KLC1: variants seen among roughly 807,000 people sequenced by gnomAD.
KLC1 encodes the protein kinesin 2 60/70kDa.
KLC1 carries 30 observed loss-of-function variants against 84.2 expected under a neutral mutation model. The observed-to-expected ratio is 0.36, with a 90% CI of 0.27 to 0.48. KLC1 has a LOEUF of 0.48. KLC1 is among the 20% of genes least tolerant of loss of function. The pLI, the probability that KLC1 is intolerant of heterozygous loss-of-function variation, is 0.99. For synonymous variants in KLC1, 289 were observed against 293.3 expected (o/e 0.99, Z 0.15); for missense variants, 499 against 805.4 (o/e 0.62, Z 4.60).
chr14:103,690,069 A>T (rs555964943), intron 14 of KLC1, among the ~76,000 whole-genome samples: 1 of 152,038 alleles, frequency 6.6e-6, no homozygotes, highest in South Asian at 2.1e-4. Flanking sequence ...GGTCCCAGCT[A>T]CTCAGGAGGC....
At chr14:103,629,989 C>G (rs1159857746) in intron 1 of KLC1, among the ~76,000 whole-genome samples, 2 of 152,178 alleles carry the variant, frequency 1.3e-5, no homozygotes, top group Non-Finnish European at 2.9e-5. Context: ...CTTCCTTCCA[C>G]CCCCGCCTCT....
chr14:103,685,903 A>G, intron 13 of KLC1: 6 of 1,125,448 alleles, frequency 5.3e-6, no homozygotes, highest in Non-Finnish European at 6.6e-6. Flanking sequence ...GTAATACACG[A>G]GTTTAAAAAT....
chr14:103,652,868 C>T (rs1236674353), intron 1 of KLC1, among the ~76,000 whole-genome samples: 2 of 152,172 alleles, frequency 1.3e-5, no homozygotes, highest in African/African-American at 4.8e-5. Context: ...TTACAGACAA[C>T]TTCCAAATTT....
chr14:103,688,548 T>C (rs557066962), intron 14 of KLC1, among the ~76,000 whole-genome samples: 62 of 152,226 alleles, frequency 4.1e-4, no homozygotes, highest in Non-Finnish European at 7.2e-4. Context: ...ACTGTTGCCA[T>C]ACACGGCCAG....
rs2076866080 is a variant in KLC1, at chr14:103,633,865, T to TA, written c.-2+4371_-2+4372insA. ...ATCTTAAATGCTGTATTATTATTAT[T>TA]TTTTTTTTATTATTACTTTTTGAGA... On this transcript the variant is annotated intron_variant, in intron 1 of 16. Coordinates refer to ENST00000334553, the MANE Select transcript of KLC1 (RefSeq NM_001394837.1). Among the ~76,000 whole-genome samples the TA allele has an allele frequency of 2.6e-5, 4 of 151,566 alleles. No individual in the cohort carries two copies. In the South Asian group the frequency reaches 6.3e-4, roughly 24 times the overall value.
chr14:103,693,288 G>A lies in KLC1; in HGVS notation c.1848+863G>A, dbSNP rs961927374. On this transcript the variant is annotated intron_variant, in intron 15 of 16. Coordinates refer to ENST00000334553, the MANE Select transcript of KLC1 (RefSeq NM_001394837.1). This position sits in a 1 kb window ranked among gnomAD's most constrained non-coding sequence, Gnocchi z 5.1. ...CCCCTTCTCGGTGGCTGTTAAAGAGGCTTGTAGGGTGCTGGACATGTTGCT... is the reference window on the plus strand; with the variant it reads ...CCCCTTCTCGGTGGCTGTTAAAGAGACTTGTAGGGTGCTGGACATGTTGCT... 3.3e-5 allele frequency among the ~76,000 whole-genome samples: 5 copies of A among 151,248 alleles called. No individual in the cohort carries two copies. Among genetic ancestry groups the A allele is most frequent in the Non-Finnish European group, 7.4e-5 (5 of 67,732 alleles).
chr14:103,689,597 CT>C (rs1046764670), intron 14 of KLC1, among the ~76,000 whole-genome samples: 3 of 152,212 alleles, frequency 2.0e-5, no homozygotes, highest in Non-Finnish European at 4.4e-5. Flanking sequence ...GGCCCCACCC[CT>C]GAGTTTCCAA....
At chr14:103,675,782 G>A in intron 11 of KLC1, 26 bp downstream of exon 11, 1 of 1,601,112 alleles carries the variant, frequency 6.2e-7, no homozygotes, top group Admixed American at 1.7e-5. Context: ...CGTTTGGCTG[G>A]AAAAACCAAA....
rs1595590380 is a variant in KLC1, at chr14:103,695,422, A to G, written c.1848+2997A>G. 1.6e-5 allele frequency: 16 copies of G among 984,464 alleles called. No homozygotes were observed. In the South Asian group the frequency reaches 4.7e-4, roughly 29 times the overall value. 61.0% of individuals were successfully genotyped at this position (984,464 alleles called of 1,614,324 possible). A position where few individuals can be genotyped will look rare whatever the true frequency, so the allele number is the denominator to read the frequency against. Reference sequence around the variant, plus strand: ...TGAGAAGCCAACCCCCCCCAAAAAAAGGGGGGTGTAGAGCAGCTTCCCCTG... The same window carrying G: ...TGAGAAGCCAACCCCCCCCAAAAAAGGGGGGGTGTAGAGCAGCTTCCCCTG... On this transcript the variant is annotated intron_variant, in intron 15 of 16. Coordinates refer to ENST00000334553, the MANE Select transcript of KLC1 (RefSeq NM_001394837.1).
chr14:103,697,011 C>T, intron 15 of KLC1: 1 of 985,468 alleles, frequency 1.0e-6, no homozygotes. Flanking sequence ...GCCGGCCGAG[C>T]TTCCAGGCGT....
chr14:103,646,986 C>G (rs746256444), intron 1 of KLC1, among the ~76,000 whole-genome samples: 5 of 152,060 alleles, frequency 3.3e-5, no homozygotes, highest in African/African-American at 7.2e-5. Flanking sequence ...TATACAAATT[C>G]ATATTTATGT....
chr14:103,665,564 AGCT>A (rs1207191688), intron 5 of KLC1, among the ~76,000 whole-genome samples: 1 of 151,924 alleles, frequency 6.6e-6, no homozygotes, highest in African/African-American at 2.4e-5. Context: ...CCTCCCAAGT[AGCT>A]GGGATTACAG....
intron 3 of KLC1, among the ~76,000 whole-genome samples, chr14:103,658,262 C>A (rs933575696): frequency 2.6e-4 from 39 of 151,820 alleles, no homozygotes; most frequent in Admixed American, 3.3e-4. Flanking sequence ...TCTTGGTTTT[C>A]TTCTTCTTCT....
chr14:103,694,885 G>A lies in KLC1; in HGVS notation c.1848+2460G>A, dbSNP rs537739287. 2.1e-5 allele frequency: 21 copies of A among 985,348 alleles called. No individual in the cohort carries two copies. Among genetic ancestry groups the A allele is most frequent in the African/African-American group, 1.7e-4 (10 of 57,248 alleles). 61.0% of individuals were successfully genotyped at this position (985,348 alleles called of 1,614,324 possible). On this transcript the variant is annotated intron_variant, in intron 15 of 16. Transcript: ENST00000334553. This position sits in a 1 kb window ranked among gnomAD's most constrained non-coding sequence, Gnocchi z 4.5. ...TCAAAGTTTCATCCCGCCTCATGTC[G>A]CAGGACTGCTGTGTTTGTGAAAGCG...
At chr14:103,688,830 A>G (rs943459672) in intron 14 of KLC1, among the ~76,000 whole-genome samples, 17 of 152,220 alleles carry the variant, frequency 1.1e-4, no homozygotes, top group African/African-American at 2.9e-4. Flanking sequence ...TGAAGACTGG[A>G]CTTCTGGAAG....
At chr14:103,664,994 C>T (rs1476735517) in intron 5 of KLC1, among the ~76,000 whole-genome samples, 1 of 152,040 alleles carries the variant, frequency 6.6e-6, no homozygotes, top group Non-Finnish European at 1.5e-5. Flanking sequence ...ATGCCATGGC[C>T]TCTGTCAGTC....
rs1393818147 is a variant in KLC1, at chr14:103,638,850, G to A, written c.-2+9356G>A. 2.6e-5 allele frequency among the ~76,000 whole-genome samples: 4 copies of A among 151,828 alleles called. No homozygotes were observed. In the South Asian group the frequency reaches 8.3e-4, roughly 32 times the overall value. On this transcript the variant is annotated intron_variant, in intron 1 of 16. Transcript: ENST00000334553. Reference sequence around the variant, plus strand: ...TGTATGAACATAGGGGTGTGTGTGAGCACAGTGGTGCATATGTATGAACAT... The same window carrying A: ...TGTATGAACATAGGGGTGTGTGTGAACACAGTGGTGCATATGTATGAACAT...
At chr14:103,650,093 T>C (rs1337275544) in intron 1 of KLC1, among the ~76,000 whole-genome samples, 1 of 151,960 alleles carries the variant, frequency 6.6e-6, no homozygotes, top group East Asian at 1.9e-4. Flanking sequence ...GAGTAAATAA[T>C]GGAACTTTAA....
chr14:103,699,224 C>G, intron 15 of KLC1: 1 of 1,544,480 alleles, frequency 6.5e-7, no homozygotes, highest in Non-Finnish European at 8.7e-7. Context: ...TGAGGGTCTT[C>G]TCGATGGTTA....
Sources: allele counts gnomAD v4.1 joint callset (sites outside exome capture counted in the v4.1 genomes callset), GRCh38; gene constraint gnomAD v4.1.1; non-coding constraint Gnocchi (gnomAD v3.1); transcripts MANE v1.5; gene names NCBI Gene and HGNC (gene_info 2026-07-23, HGNC 2026-07-21).